Variants in LMLN observed in about 807,000 individuals in gnomAD.
LMLN encodes leishmanolysin like peptidase, also known as leishmanolysin-like peptidase.
LMLN carries 70 observed loss-of-function variants against 92.3 expected under a neutral mutation model. That is an observed-to-expected ratio of 0.76 (90% CI 0.63 to 0.92). The LOEUF (loss-of-function observed/expected upper bound fraction) is 0.92, where lower values mean the gene tolerates loss of function less well. Among genes scored for constraint, LMLN ranks in the 40% least tolerant of loss-of-function variants. The pLI is 0.00. For synonymous variants in LMLN, 308 were observed against 296.2 expected (o/e 1.04, Z -0.41); for missense variants, 691 against 814.6 (o/e 0.85, Z 1.85).
At chr3:198,032,100 T>TAAA (rs1723092915) in intron 14 of LMLN, among the ~76,000 whole-genome samples, 1 of 110,246 alleles carries the variant, frequency 9.1e-6, no homozygotes, top group African/African-American at 5.0e-5. Context: ...AGACTCTGAC[T>TAAA]CAAAAAAAAA....
At position 198,019,425 on chromosome 3, in the gene LMLN, T is replaced by G. The variant is rs1040295678; in HGVS notation, c.1365+40T>G. 1.9e-6 allele frequency: 3 copies of G among 1,556,214 alleles called. No individual in the cohort carries two copies. The African/African-American group carries it at 4.1e-5, about 21-fold the overall frequency. On this transcript the variant is annotated intron_variant, in intron 12 of 15. Coordinates refer to ENST00000330198, the Ensembl canonical transcript of LMLN. The surrounding 1 kb of genome is among the most constrained non-coding windows in gnomAD (Gnocchi z 5.5). ...GGGCACAGTTTCAGGAATCAGCTTT[T>G]CAAAAGTAGTCTCCATTTTAACTAA...
chr3:197,972,121 A>G (rs997425593), intron 1 of LMLN, among the ~76,000 whole-genome samples: 1 of 150,914 alleles, frequency 6.6e-6, no homozygotes, highest in Admixed American at 6.6e-5. Flanking sequence ...CTGTAGGGTG[A>G]TGGTGCAGTC....
chr3:198,027,935 TTTG>T (rs979313792), intron 14 of LMLN, among the ~76,000 whole-genome samples: 2 of 152,212 alleles, frequency 1.3e-5, no homozygotes, highest in South Asian at 2.1e-4. Flanking sequence ...AACTAGGTTT[TTTG>T]TTGTTGTTGT....
In LMLN at chr3:198,025,932, CG is replaced by C. The variant is rs376824504; in HGVS notation, c.1656+1145del. On this transcript the variant is annotated intron_variant, in intron 14 of 15. Coordinates refer to ENST00000330198, the Ensembl canonical transcript of LMLN. This position sits in a 1 kb window ranked among gnomAD's most constrained non-coding sequence, Gnocchi z 4.3. ...TATCATTAGTTACTTATCAAATTAA[CG>C]TTTTTTTTGGTAACTGCTTTTCTTC... Among the ~76,000 whole-genome samples the C allele has an allele frequency of 6.8e-3, 1,040 of 152,148 alleles. 13 individuals carry two copies. The highest frequency in any genetic ancestry group is 0.022 in the South Asian group (104 of 4,818).
chr3:198,028,096 C>A (rs543196489), intron 14 of LMLN, among the ~76,000 whole-genome samples: 4 of 152,128 alleles, frequency 2.6e-5, no homozygotes, highest in Admixed American at 2.6e-4. Context: ...CGTGGCCTTC[C>A]GCACCGTCAG....
intron 6 of LMLN, 96 bp from the exon 7 acceptor site, chr3:197,983,847 G>T (rs1357044418): frequency 5.2e-6 from 4 of 762,218 alleles, no homozygotes; most frequent in African/African-American, 5.2e-5. Flanking sequence ...ACTTTGCAAA[G>T]ATTTTTCTGT....
At chr3:197,992,308 TC>T (rs1721898126) in intron 9 of LMLN, among the ~76,000 whole-genome samples, 1 of 152,094 alleles carries the variant, frequency 6.6e-6, no homozygotes, top group Admixed American at 6.6e-5. Flanking sequence ...CCTCAGGTGA[TC>T]CGTGCGCCTT....
chr3:198,018,976 A>G (rs1252610798), intron 11 of LMLN, among the ~76,000 whole-genome samples: 1 of 152,240 alleles, frequency 6.6e-6, no homozygotes, highest in Non-Finnish European at 1.5e-5. Flanking sequence ...ACAATTAGGA[A>G]TATTCACACA....
intron 14 of LMLN, among the ~76,000 whole-genome samples, chr3:198,030,849 C>T (rs890971728): frequency 6.6e-6 from 1 of 152,106 alleles, no homozygotes; most frequent in South Asian, 2.1e-4. Flanking sequence ...TCCACTGTGA[C>T]GCCTGCTGAC....
chr3:197,975,538 C>CA (rs1721348663), intron 3 of LMLN, among the ~76,000 whole-genome samples: 1 of 152,098 alleles, frequency 6.6e-6, no homozygotes, highest in African/African-American at 2.4e-5. Flanking sequence ...TGCACGCACA[C>CA]ATGCACACAC....
chr3:197,988,054 CTTA>C (rs1475365311), intron 8 of LMLN, among the ~76,000 whole-genome samples: 2 of 151,922 alleles, frequency 1.3e-5, no homozygotes, highest in African/African-American at 2.4e-5. Flanking sequence ...CTTTTTCATG[CTTA>C]TTATAAATAT....
chr3:197,968,156 T>C (rs1337720550), intron 1 of LMLN, among the ~76,000 whole-genome samples: 1 of 152,170 alleles, frequency 6.6e-6, no homozygotes, highest in African/African-American at 2.4e-5. Flanking sequence ...GAGATTAAAG[T>C]AAGACAGGCG....
At chr3:197,992,663 A>G (rs1362147855) in intron 9 of LMLN, among the ~76,000 whole-genome samples, 1 of 152,218 alleles carries the variant, frequency 6.6e-6, no homozygotes, top group East Asian at 1.9e-4. Context: ...CATCAAAGAG[A>G]AGCCCAGGAC....
At position 197,987,596 on chromosome 3, in the gene LMLN, G is replaced by A. The variant is rs1381782896; in HGVS notation, c.929+1706G>A. Among the ~76,000 whole-genome samples the A allele has an allele frequency of 7.2e-5, 11 of 152,268 alleles. No homozygotes were observed. In the East Asian group the frequency reaches 1.9e-3, roughly 27 times the overall value. ...CAGAAAAAAAATGACTTAGGTTACAGGGAAAAATAAAAATTGATATCCATC... is the reference window on the plus strand; with the variant it reads ...CAGAAAAAAAATGACTTAGGTTACAAGGAAAAATAAAAATTGATATCCATC... On this transcript the variant is annotated intron_variant, in intron 8 of 15. Transcript: ENST00000330198.
In LMLN at chr3:198,031,731, T is replaced by C. The variant is rs952420248; in HGVS notation, c.1657-4102T>C. The stretch of plus-strand genomic sequence containing the variant: ...TAACTTCGCATACCACATCCTCATC[T>C]GCCACAAGCCCCAGTATTCCAAAAT... On this transcript the variant is annotated intron_variant, in intron 14 of 15. Coordinates refer to ENST00000330198, the Ensembl canonical transcript of LMLN. This position sits in a 1 kb window ranked among gnomAD's most constrained non-coding sequence, Gnocchi z 4.8. Among the ~76,000 whole-genome samples, 2 of 152,176 alleles carry C rather than the reference T, an allele frequency of 1.3e-5. No homozygotes were observed. The highest frequency in any genetic ancestry group is 3.2e-3 in the Middle Eastern group (1 of 316).
Position 197,976,199 on chromosome 3 carries a change from A to G in LMLN, c.431+88A>G, listed in dbSNP as rs535481416. 1,401 of 747,750 alleles carry G rather than the reference A, an allele frequency of 1.9e-3. 2 individuals are homozygous for G. Among genetic ancestry groups the G allele is most frequent in the Non-Finnish European group, 2.5e-3 (1,155 of 457,150 alleles). 46.3% of individuals were successfully genotyped at this position (747,750 alleles called of 1,614,324 possible). ...ATGAACATGGCAAGGTATGAAACTT[A>G]TACTAGAATTTTATTATGCTTGTTC... On this transcript the variant is annotated intron_variant, in intron 4 of 15. Transcript: ENST00000330198.
At chr3:198,017,986 C>T (rs1581172945) in intron 11 of LMLN, among the ~76,000 whole-genome samples, 1 of 152,290 alleles carries the variant, frequency 6.6e-6, no homozygotes, top group South Asian at 2.1e-4. Context: ...TTAGTGGCTA[C>T]CATATTGGGC....
rs544972480 is a variant in LMLN, at chr3:198,022,818, C to T, written c.1525+1213C>T. Among the ~76,000 whole-genome samples, 7 of 152,274 alleles carry T rather than the reference C, an allele frequency of 4.6e-5. No individual in the cohort carries two copies. In the East Asian group the frequency reaches 1.4e-3, roughly 29 times the overall value. On this transcript the variant is annotated intron_variant, in intron 13 of 15. Transcript: ENST00000330198. ...AGTTTGCAGTGAGTCGAGATCATGCCCCTGCACTCCAGCCTGGGCAACACA... is the reference window on the plus strand; with the variant it reads ...AGTTTGCAGTGAGTCGAGATCATGCTCCTGCACTCCAGCCTGGGCAACACA...
intron 5 of LMLN, among the ~76,000 whole-genome samples, chr3:197,979,412 G>A (rs922987922): frequency 1.3e-5 from 2 of 152,178 alleles, no homozygotes; most frequent in African/African-American, 2.4e-5. Context: ...GGTGACTCAC[G>A]CCTGTAATCC....
Sources: gnomAD v4.1 joint callset for allele counts (sites outside exome capture counted in the v4.1 genomes callset) on GRCh38, gnomAD v4.1.1 for gene constraint, Gnocchi (gnomAD v3.1) non-coding constraint, MANE v1.5 for transcripts, NCBI Gene and HGNC (gene_info 2026-07-23, HGNC 2026-07-21) for gene names.